ITGA8: variants seen among roughly 807,000 people sequenced by gnomAD.
ITGA8 encodes integrin subunit alpha 8, also known as integrin alpha-8.
Under a neutral mutation model 142.3 loss-of-function variants are expected in ITGA8, and 91 were observed. That is an observed-to-expected ratio of 0.64 (90% CI 0.54 to 0.76). The LOEUF (loss-of-function observed/expected upper bound fraction) is 0.76, where lower values mean the gene tolerates loss of function less well. ITGA8 is among the 30% of genes least tolerant of loss of function. The probability of loss-of-function intolerance (pLI) is 0.00; values close to 1 mark genes in which losing one functional copy is unlikely to be tolerated. For missense variants in ITGA8, 1,406 were observed against 1,327.7 expected, an observed-to-expected ratio of 1.06 and a Z score of -0.92; for synonymous variants, 505 against 485.2, an observed-to-expected ratio of 1.04 and a Z score of -0.54.
intron 2 of ITGA8, among the ~76,000 whole-genome samples, chr10:15,706,942 C>T (rs547350511): frequency 2.6e-4 from 39 of 152,246 alleles, no homozygotes; most frequent in African/African-American, 8.2e-4. Flanking sequence ...GCTCAGCGAC[C>T]TTTCTCCATT....
At chr10:15,691,063 C>A (rs1160341010) in intron 2 of ITGA8, among the ~76,000 whole-genome samples, 1 of 152,162 alleles carries the variant, frequency 6.6e-6, no homozygotes, top group East Asian at 1.9e-4. Flanking sequence ...AGAAGGCATA[C>A]AAACGGCCAA....
chr10:15,646,869 T>C lies in ITGA8; in HGVS notation c.1184A>G (p.Asp395Gly), dbSNP rs760596196. ...ACCATTGTATCCATCTTGGTTCAGG[T>C]CTCCTAAGTGTGCCATAGCACTACC... ...RFGSAMAHLG[D>G]LNQDGYNDIA... The change falls in exon 12 of 30, where the codon GAC (aspartate) becomes GGC (glycine). Residue 395 changes from aspartate (D) to glycine (G), a missense_variant. By Grantham distance (94) the Asp-to-Gly change is moderately conservative. Transcript: ENST00000378076. 1 of 1,613,974 alleles carries C rather than the reference T, an allele frequency of 6.2e-7. No homozygotes were observed. Among genetic ancestry groups the C allele is most frequent in the Non-Finnish European group, 8.5e-7 (1 of 1,179,990 alleles).
At chr10:15,619,994 A>G (rs1833459838) in intron 13 of ITGA8, among the ~76,000 whole-genome samples, 1 of 152,262 alleles carries the variant, frequency 6.6e-6, no homozygotes, top group Non-Finnish European at 1.5e-5. Context: ...TTCTCTGGAA[A>G]TGGCAAAGAA....
Position 15,519,424 on chromosome 10 carries a change from A to G in ITGA8, c.2983-12T>C. ...ACTGATGTCTTAATCTGAAATGGAAAACAAAGCAAATGAGCTCTAATGCGA... is the reference window on the plus strand; with the variant it reads ...ACTGATGTCTTAATCTGAAATGGAAGACAAAGCAAATGAGCTCTAATGCGA... On this transcript the variant is annotated splice_polypyrimidine_tract_variant and intron_variant, in intron 28 of 29. Transcript: ENST00000378076. The G allele has an allele frequency of 6.2e-7, 1 of 1,613,340 alleles. No individual in the cohort carries two copies. Among genetic ancestry groups the G allele is most frequent in the Non-Finnish European group, 8.5e-7 (1 of 1,179,662 alleles).
At chr10:15,633,916 T>G (rs141863799) in intron 13 of ITGA8, among the ~76,000 whole-genome samples, 1 of 152,348 alleles carries the variant, frequency 6.6e-6, no homozygotes, top group East Asian at 1.9e-4. Flanking sequence ...ACATATGGCC[T>G]TCGGCAGTTT....
chr10:15,600,821 G>C (rs904573942), intron 20 of ITGA8, among the ~76,000 whole-genome samples: 2 of 152,188 alleles, frequency 1.3e-5, no homozygotes, highest in Non-Finnish European at 2.9e-5. Context: ...GATGGACTCA[G>C]TCCACAATCT....
At chr10:15,624,324 T>C (rs183567745) in intron 13 of ITGA8, among the ~76,000 whole-genome samples, 1 of 152,356 alleles carries the variant, frequency 6.6e-6, no homozygotes, top group Admixed American at 6.5e-5. Flanking sequence ...TAAATGACAT[T>C]GAACAAGTCA....
chr10:15,604,399 T>C (rs1331790125), intron 19 of ITGA8, 44 bp from the exon 20 acceptor site: 1 of 1,494,386 alleles, frequency 6.7e-7, no homozygotes, highest in East Asian at 2.3e-5. Context: ...CTCTACTTCT[T>C]GGCTTCGTGA....
intron 25 of ITGA8, among the ~76,000 whole-genome samples, chr10:15,571,373 G>A (rs1386578416): frequency 2.6e-5 from 4 of 152,212 alleles, no homozygotes; most frequent in Admixed American, 1.3e-4. Flanking sequence ...CTAGGAGAAC[G>A]TTCGTTCTTA....
In ITGA8 at chr10:15,644,479, T is replaced by C. The variant is rs1179529468; in HGVS notation, c.1208-258A>G. ...ATATATATATATATATATATATATA[T>C]ATATATATATATAGAATTTTTTTTT... On this transcript the variant is annotated intron_variant, in intron 12 of 29. Coordinates refer to ENST00000378076, the MANE Select transcript of ITGA8 (RefSeq NM_003638.3). 8.6e-4 allele frequency among the ~76,000 whole-genome samples: 20 copies of C among 23,296 alleles called. 1 individual carries two copies. In the East Asian group the frequency reaches 0.043, roughly 50 times the overall value. 15.3% of individuals were successfully genotyped at this position (23,296 alleles called of 152,430 possible).
At chr10:15,680,122 C>T (rs957059529) in intron 4 of ITGA8, among the ~76,000 whole-genome samples, 1 of 151,684 alleles carries the variant, frequency 6.6e-6, no homozygotes, top group Non-Finnish European at 1.5e-5. Context: ...CTGGCCTTTC[C>T]GGCTTCCCTT....
intron 4 of ITGA8, among the ~76,000 whole-genome samples, chr10:15,682,937 C>T (rs1228017219): frequency 1.5e-5 from 1 of 64,642 alleles, no homozygotes; most frequent in African/African-American, 3.5e-5. Context: ...CCTCTAATAT[C>T]ACTAATCGAT....
chr10:15,680,508 A>G (rs1011354503), intron 4 of ITGA8, among the ~76,000 whole-genome samples: 18 of 151,920 alleles, frequency 1.2e-4, no homozygotes, highest in African/African-American at 2.2e-4. Flanking sequence ...CTAAGTATCA[A>G]TTTTCTAGAA....
intron 25 of ITGA8, among the ~76,000 whole-genome samples, chr10:15,560,159 G>A (rs1237436226): frequency 6.6e-6 from 1 of 151,978 alleles, no homozygotes; most frequent in Non-Finnish European, 1.5e-5. Flanking sequence ...CAAGCCTGTA[G>A]TCCCAGATAC....
At chr10:15,668,294 G>T (rs1159971449) in intron 8 of ITGA8, among the ~76,000 whole-genome samples, 7 of 151,838 alleles carry the variant, frequency 4.6e-5, no homozygotes, top group Non-Finnish European at 8.8e-5. Context: ...TGTCTCTTTT[G>T]ATCTTTGTTG....
Position 15,696,848 on chromosome 10 carries a change from C to T in ITGA8, c.344-8810G>A, listed in dbSNP as rs557350285. Reference sequence around the variant, plus strand: ...CTCCAGCCTGGACAACATGGCAAAACCCTAACTCTTACCAAAAAAAAAAAA... The same window carrying T: ...CTCCAGCCTGGACAACATGGCAAAATCCTAACTCTTACCAAAAAAAAAAAA... On this transcript the variant is annotated intron_variant, in intron 2 of 29. Transcript: ENST00000378076. 2.6e-4 allele frequency among the ~76,000 whole-genome samples: 38 copies of T among 146,248 alleles called. No homozygotes were observed. In the East Asian group the frequency reaches 7.6e-3, roughly 29 times the overall value.
intron 15 of ITGA8, 145 bp from the exon 16 acceptor site, chr10:15,608,435 A>G: frequency 1.9e-6 from 1 of 534,478 alleles, no homozygotes; most frequent in Non-Finnish European, 3.2e-6. Context: ...CCACACACAC[A>G]CCCCTTCTAC....
chr10:15,658,581 G>C (rs1235932900), intron 10 of ITGA8, among the ~76,000 whole-genome samples: 1 of 152,078 alleles, frequency 6.6e-6, no homozygotes, highest in Non-Finnish European at 1.5e-5. Flanking sequence ...GGAAGGTTCT[G>C]GATAAGATGG....
At chr10:15,573,696 A>G (rs1834230392) in intron 24 of ITGA8, among the ~76,000 whole-genome samples, 1 of 152,164 alleles carries the variant, frequency 6.6e-6, no homozygotes, top group South Asian at 2.1e-4. Context: ...CTCAAGATGA[A>G]AGTCATAGTC....
Sources: allele counts gnomAD v4.1 joint callset (sites outside exome capture counted in the v4.1 genomes callset), GRCh38; gene constraint gnomAD v4.1.1; transcripts MANE v1.5; gene names NCBI Gene and HGNC (gene_info 2026-07-23, HGNC 2026-07-21).